Variants in ERCC6L2 observed in about 807,000 individuals in gnomAD.
ERCC6L2 encodes the protein ERCC excision repair 6 like 2, also known as DNA excision repair protein ERCC-6-like 2.
Under a neutral mutation model 132.0 loss-of-function variants are expected in ERCC6L2, and 77 were observed. That is an observed-to-expected ratio of 0.58 (90% CI 0.49 to 0.71). The LOEUF is 0.71. ERCC6L2 is among the 30% of genes least tolerant of loss of function. The pLI, the probability that ERCC6L2 is intolerant of heterozygous loss-of-function variation, is 0.00. For synonymous variants in ERCC6L2, 583 were observed against 632.4 expected (o/e 0.92, Z 1.17); for missense variants, 1,542 against 1,837.6 (o/e 0.84, Z 2.94).
intron 1 of ERCC6L2, chr9:95,876,447 A>G (rs1827274366): frequency 8.9e-6 from 2 of 225,762 alleles, no homozygotes; most frequent in Non-Finnish European, 1.7e-5. Context: ...CACTCAGTAA[A>G]TGTTATTTTC....
intron 17 of ERCC6L2, among the ~76,000 whole-genome samples, chr9:96,001,908 A>G (rs640281): frequency 0.65 from 99,353 of 152,132 alleles, 33,320 homozygotes; most frequent in African/African-American, 0.8. Flanking sequence ...GCGTAGCACC[A>G]GTGGGCCAGC....
At chr9:95,956,583 G>A (rs1002564274) in intron 13 of ERCC6L2, among the ~76,000 whole-genome samples, 4 of 152,126 alleles carry the variant, frequency 2.6e-5, no homozygotes, top group South Asian at 4.1e-4. Context: ...TTCACATGGC[G>A]GGGGAGGCCT....
Position 95,955,961 on chromosome 9 carries a change from T to C in ERCC6L2, c.1895T>C (p.Ile632Thr), listed in dbSNP as rs1204841170. The C allele has an allele frequency of 3.1e-6, 5 of 1,608,462 alleles. No homozygotes were observed. Among genetic ancestry groups the C allele is most frequent in the Non-Finnish European group, 2.5e-6 (3 of 1,177,152 alleles). ...QCRDVKVLRL[I>T]SLGTVEEIMY... ...AGAGATGTCAAAGTGCTTAGGCTGA[T>C]ATCCTTGGGAACTGTGGAGGAAATC... Residue 632 changes from isoleucine (I) to threonine (T), a missense_variant, in exon 13 of 19, where the codon ATA (isoleucine) becomes ACA (threonine). By Grantham distance (89) the Ile-to-Thr change is moderately conservative. Transcript: ENST00000653738.
chr9:95,914,415 G>A (rs945069051), intron 4 of ERCC6L2, among the ~76,000 whole-genome samples: 4 of 151,854 alleles, frequency 2.6e-5, no homozygotes, highest in African/African-American at 4.8e-5. Flanking sequence ...GTGCAGTGGC[G>A]CAATCTGGGC....
In ERCC6L2 at chr9:95,972,985, T is replaced by C; in HGVS notation, c.3234T>C (p.His1078=). Residue 1078 remains histidine (H), a synonymous_variant, in exon 16 of 19, where the codon CAT becomes CAC. Transcript: ENST00000653738. ...GTTTTTCTTCAAAATTGCCTAGCCA[T>C]AATAAGAAAAATAGCACTTTTATTC... is the stretch of plus-strand genomic sequence containing the variant. The part of the protein sequence containing the change: ...RTSFSSKLPS[H]NKKNSTFIPR... The C allele has an allele frequency of 7.4e-7, 1 of 1,347,396 alleles. No homozygotes were observed. Among genetic ancestry groups the C allele is most frequent in the Non-Finnish European group, 9.9e-7 (1 of 1,011,390 alleles). 83.5% of individuals were successfully genotyped at this position (1,347,396 alleles called of 1,614,324 possible).
rs1326628542 is a variant in ERCC6L2 at position 95,907,771 on chromosome 9, T to G, written c.788+500T>G. ...ACTGCCTCTGAACTAGGTCAGTAAT[T>G]TTCATGAATTATTTCAATTATGGGA... is the stretch of plus-strand genomic sequence containing the variant. On this transcript the variant is annotated intron_variant, in intron 4 of 18. Transcript: ENST00000653738. Among the ~76,000 whole-genome samples the G allele has an allele frequency of 2.7e-5, 4 of 150,648 alleles. No homozygotes were observed. The East Asian group carries it at 7.8e-4, about 29-fold the overall frequency.
intron 17 of ERCC6L2, among the ~76,000 whole-genome samples, chr9:95,981,495 A>G (rs1434257570): frequency 6.6e-6 from 1 of 152,182 alleles, no homozygotes; most frequent in East Asian, 1.9e-4. Context: ...TTGATAGTAC[A>G]AATTATGTAA....
chr9:95,944,991 G>T (rs1372530152), intron 12 of ERCC6L2, among the ~76,000 whole-genome samples: 1 of 152,180 alleles, frequency 6.6e-6, no homozygotes, highest in Non-Finnish European at 1.5e-5. Context: ...TTTCGGGCAT[G>T]CATTGTCATT....
At chr9:95,951,267 CAAAT>C (rs1367205622) in intron 12 of ERCC6L2, among the ~76,000 whole-genome samples, 2 of 152,010 alleles carry the variant, frequency 1.3e-5, no homozygotes, top group African/African-American at 2.4e-5. Context: ...TAGCTTGAAA[CAAAT>C]GAAAACACAC....
chr9:95,956,394 C>G (rs1404044215), intron 13 of ERCC6L2, among the ~76,000 whole-genome samples: 1 of 152,126 alleles, frequency 6.6e-6, no homozygotes, highest in Non-Finnish European at 1.5e-5. Context: ...CCCCAAATTA[C>G]AGGCCAAGAT....
chr9:96,011,640 C>A (rs150285026), intron 18 of ERCC6L2, among the ~76,000 whole-genome samples: 1 of 152,194 alleles, frequency 6.6e-6, no homozygotes, highest in Non-Finnish European at 1.5e-5. Context: ...CATCTCACTC[C>A]TTAGCTTAGG....
chr9:95,898,198 TG>T (rs772755229), intron 3 of ERCC6L2, among the ~76,000 whole-genome samples: 25 of 152,232 alleles, frequency 1.6e-4, no homozygotes, highest in Middle Eastern at 3.4e-3. Flanking sequence ...AATTTCAGCT[TG>T]GTTTTGCTTT....
At chr9:95,925,969 A>C (rs1830082336) in intron 9 of ERCC6L2, among the ~76,000 whole-genome samples, 1 of 152,208 alleles carries the variant, frequency 6.6e-6, no homozygotes. Flanking sequence ...AGAGATGGCA[A>C]ATAAGCATGT....
At chr9:95,979,394 G>C (rs1013799963) in intron 17 of ERCC6L2, among the ~76,000 whole-genome samples, 1 of 152,110 alleles carries the variant, frequency 6.6e-6, no homozygotes, top group Non-Finnish European at 1.5e-5. Context: ...ATAACACCCT[G>C]CTGAGAAAGG....
At chr9:95,933,540 T>G (rs1830431374) in intron 11 of ERCC6L2, among the ~76,000 whole-genome samples, 1 of 152,142 alleles carries the variant, frequency 6.6e-6, no homozygotes, top group Non-Finnish European at 1.5e-5. Flanking sequence ...CAGGATATTT[T>G]GCTTATAGAA....
chr9:95,915,663 T>C lies in ERCC6L2; in HGVS notation c.789-5T>C. 6.2e-7 allele frequency: 1 copy of C among 1,603,758 alleles called. No homozygotes were observed. The highest frequency in any genetic ancestry group is 8.5e-7 in the Non-Finnish European group (1 of 1,176,076). On this transcript the variant is annotated splice_polypyrimidine_tract_variant and splice_region_variant and intron_variant, in intron 4 of 18. Transcript: ENST00000653738. ...ACCTCACCCTTCTTTTTTCTTACTT[T>C]ATAGTTTGGAATGGTCAGCTGTCAT...
chr9:95,923,685 T>TA (rs1829978603), intron 9 of ERCC6L2, among the ~76,000 whole-genome samples: 1 of 152,182 alleles, frequency 6.6e-6, no homozygotes, highest in Admixed American at 6.5e-5. Flanking sequence ...ATAGCTTGTC[T>TA]TCAGATGTTT....
downstream of ERCC6L2, chr9:96,020,473 C>G (rs1177892789): frequency 3.1e-6 from 1 of 319,742 alleles, no homozygotes; most frequent in Non-Finnish European, 6.1e-6. Context: ...AAAGGGCAAA[C>G]CGAATCGGCC....
chr9:96,013,722 CTAT>C lies in ERCC6L2; in HGVS notation c.*527_*529del, dbSNP rs1250098912. 6.6e-6 allele frequency: 1 copy of C among 152,218 alleles called. No homozygotes were observed. Among genetic ancestry groups the C allele is most frequent in the South Asian group, 2.1e-4 (1 of 4,840 alleles). 9.4% of individuals were successfully genotyped at this position (152,218 alleles called of 1,614,324 possible). A position where few individuals can be genotyped will look rare whatever the true frequency, so the allele number is the denominator to read the frequency against. ...TTTCTTTTTCCCTGGGCATCATGTT[CTAT>C]TATTATTTTAGAAAAAAGTCATAAT... On this transcript the variant is annotated 3_prime_UTR_variant, in exon 19 of 19. Transcript: ENST00000653738.
Sources: gnomAD v4.1 joint callset for allele counts (sites outside exome capture counted in the v4.1 genomes callset) on GRCh38, gnomAD v4.1.1 for gene constraint, MANE v1.5 for transcripts, NCBI Gene and HGNC (gene_info 2026-07-23, HGNC 2026-07-21) for gene names.